Variants in PDS5B observed in about 807,000 individuals in gnomAD.
PDS5B encodes sister chromatid cohesion protein PDS5 homolog B.
PDS5B carries 51 observed loss-of-function variants against 184.1 expected under a neutral mutation model. That is an observed-to-expected ratio of 0.28 (90% CI 0.22 to 0.35). The LOEUF (loss-of-function observed/expected upper bound fraction) is 0.35, where lower values mean the gene tolerates loss of function less well. Ranked by LOEUF, PDS5B falls within the 10% of genes least tolerant of loss-of-function variation. PDS5B has a pLI of 1.00. For missense variants in PDS5B, 1,180 were observed against 1,723.3 expected (o/e 0.68, Z 5.58); for synonymous variants, 566 against 569.2 (o/e 0.99, Z 0.08).
intron 24 of PDS5B, among the ~76,000 whole-genome samples, chr13:32,749,021 T>A (rs1953868014): frequency 6.6e-6 from 1 of 152,166 alleles, no homozygotes; most frequent in Non-Finnish European, 1.5e-5. Context: ...GATCATGTCA[T>A]TCCTCTGTTA....
chr13:32,590,457 T>A (rs1399755408), intron 1 of PDS5B, among the ~76,000 whole-genome samples: 1 of 152,212 alleles, frequency 6.6e-6, no homozygotes, highest in Non-Finnish European at 1.5e-5. Flanking sequence ...GTAGGATCTC[T>A]GCTGTTACTT....
At chr13:32,622,111 T>C (rs2058310574) in intron 1 of PDS5B, among the ~76,000 whole-genome samples, 1 of 152,136 alleles carries the variant, frequency 6.6e-6, no homozygotes, top group South Asian at 2.1e-4. Context: ...TTCCACTCTT[T>C]TTTATCTTCT....
chr13:32,726,423 G>A (rs1384865714), intron 19 of PDS5B, among the ~76,000 whole-genome samples: 1 of 152,112 alleles, frequency 6.6e-6, no homozygotes, highest in Non-Finnish European at 1.5e-5. Context: ...CGCCTTTTGT[G>A]TTTTTTGACA....
At chr13:32,738,805 G>T (rs919280962) in intron 21 of PDS5B, among the ~76,000 whole-genome samples, 1 of 151,884 alleles carries the variant, frequency 6.6e-6, no homozygotes, top group Admixed American at 6.6e-5. Context: ...CCGAGTAGCT[G>T]GGACTACAGG....
At position 32,729,109 on chromosome 13, in the gene PDS5B, A is replaced by T. The variant is rs532472115; in HGVS notation, c.2124-2992A>T. Among the ~76,000 whole-genome samples, 21 of 150,846 alleles carry T rather than the reference A, an allele frequency of 1.4e-4. 1 individual carries two copies. The highest frequency in any genetic ancestry group is 6.9e-3 in the Middle Eastern group (2 of 290). On this transcript the variant is annotated intron_variant, in intron 19 of 34. Transcript: ENST00000315596. ...TCTCCCTCCCCTTGCCCCCCACCCC[A>T]CAACAGGCCCTGGTGTGTGATGTTC...
intron 11 of PDS5B, 56 bp downstream of exon 11, chr13:32,684,079 A>G (rs1384174905): frequency 2.3e-6 from 2 of 886,294 alleles, no homozygotes; most frequent in Non-Finnish European, 3.3e-6. Flanking sequence ...TTGAAGTTTA[A>G]CAATATTTGA....
intron 13 of PDS5B, chr13:32,689,874 AT>A (rs1951497818): frequency 6.6e-6 from 1 of 152,130 alleles, no homozygotes; most frequent in Non-Finnish European, 1.5e-5. Flanking sequence ...GAAATATGGT[AT>A]TTATATCATA....
Position 32,711,802 on chromosome 13 carries a change from C to T in PDS5B, c.2123+1696C>T, listed in dbSNP as rs529275563. Among the ~76,000 whole-genome samples the T allele has an allele frequency of 5.3e-5, 8 of 151,712 alleles. No homozygotes were observed. In the South Asian group the frequency reaches 1.0e-3, roughly 20 times the overall value. ...ATTTGTCGCACACACATATGTAGTA[C>T]GTATACATACCCACTCATTATGTAT... On this transcript the variant is annotated intron_variant, in intron 19 of 34. Coordinates refer to ENST00000315596, the MANE Select transcript of PDS5B (RefSeq NM_015032.4).
chr13:32,610,699 A>G (rs754522883), intron 1 of PDS5B, among the ~76,000 whole-genome samples: 30 of 151,518 alleles, frequency 2.0e-4, no homozygotes, highest in Non-Finnish European at 4.0e-4. Flanking sequence ...CTGGAACTTC[A>G]CTGTGTTTGA....
chr13:32,679,884 AGTGTGTGTGTGTGT>A (rs34635708), intron 10 of PDS5B, among the ~76,000 whole-genome samples: 9 of 143,616 alleles, frequency 6.3e-5, no homozygotes, highest in African/African-American at 2.4e-4. Context: ...TTCGTCTGTG[AGTGTGTGTGTGTGT>A]GTGTGTGTGT....
intron 1 of PDS5B, among the ~76,000 whole-genome samples, chr13:32,638,971 G>T (rs1329516540): frequency 6.6e-6 from 1 of 152,044 alleles, no homozygotes; most frequent in Non-Finnish European, 1.5e-5. Flanking sequence ...GCGTGGGGCG[G>T]GGGCGGCGTT....
intron 1 of PDS5B, among the ~76,000 whole-genome samples, chr13:32,592,811 G>A (rs1432640439): frequency 1.3e-5 from 2 of 152,094 alleles, no homozygotes; most frequent in Non-Finnish European, 2.9e-5. Flanking sequence ...GAGCATGGTG[G>A]TTAATTTAAG....
intron 1 of PDS5B, among the ~76,000 whole-genome samples, chr13:32,634,048 CTTA>C (rs1317670406): frequency 1.3e-5 from 2 of 152,274 alleles, no homozygotes; most frequent in African/African-American, 4.8e-5. Context: ...TTCAAATACT[CTTA>C]TGTTATCTTC....
At chr13:32,672,323 T>C (rs1950958661) in intron 7 of PDS5B, among the ~76,000 whole-genome samples, 1 of 152,214 alleles carries the variant, frequency 6.6e-6, no homozygotes, top group Non-Finnish European at 1.5e-5. Context: ...CTTGGGAGAT[T>C]AAGACATTGT....
intron 33 of PDS5B, among the ~76,000 whole-genome samples, chr13:32,771,698 G>A (rs1954791793): frequency 1.3e-5 from 2 of 152,006 alleles, no homozygotes; most frequent in South Asian, 4.1e-4. Flanking sequence ...GTAAAGGTAA[G>A]TACATTTTTG....
rs772804477 is a variant in PDS5B, at chr13:32,764,514, A to G, written c.3544A>G (p.Ser1182Gly). ...GCTTGATAGTTCTGAAATGGATCAC[A>G]GTGAAAATGAAGATTACACAATGTC... ...GRLDSSEMDH[S>G]ENEDYTMSSP... is the part of the protein sequence containing the mutation. The change falls in exon 31 of 35, where the codon AGT (serine) becomes GGT (glycine). Residue 1182 changes from serine to glycine, a missense_variant. By Grantham distance (56) the Ser-to-Gly change is moderately conservative (BLOSUM62 0). Around this residue, in one of 11 missense-constraint regions of PDS5B, gnomAD observed 465 missense variants for 497.8 expected, o/e 0.93. Coordinates refer to ENST00000315596, the MANE Select transcript of PDS5B (RefSeq NM_015032.4). The G allele has an allele frequency of 6.2e-7, 1 of 1,601,792 alleles. No individual in the cohort carries two copies. The highest frequency in any genetic ancestry group is 1.7e-5 in the Admixed American group (1 of 58,854).
At chr13:32,640,988 C>T (rs185592218) in intron 1 of PDS5B, among the ~76,000 whole-genome samples, 2,913 of 147,486 alleles carry the variant, frequency 0.02, 67 homozygotes, top group African/African-American at 0.062. Context: ...ACCCGGGAGG[C>T]GGAGCTTGCA....
intron 1 of PDS5B, among the ~76,000 whole-genome samples, chr13:32,629,562 G>A (rs1261570503): frequency 6.6e-6 from 1 of 152,152 alleles, no homozygotes; most frequent in Non-Finnish European, 1.5e-5. Flanking sequence ...AGGTTTCAGC[G>A]AGGATGCAGA....
At chr13:32,742,386 T>A (rs1953589038) in intron 22 of PDS5B, among the ~76,000 whole-genome samples, 1 of 152,178 alleles carries the variant, frequency 6.6e-6, no homozygotes, top group Non-Finnish European at 1.5e-5. Flanking sequence ...AACAAACTAG[T>A]CTTTAGTCAA....
Sources: allele counts gnomAD v4.1 joint callset (sites outside exome capture counted in the v4.1 genomes callset), GRCh38; gene constraint gnomAD v4.1.1; regional missense constraint gnomAD v4.1.1; transcripts MANE v1.5; gene names NCBI Gene and HGNC (gene_info 2026-07-23, HGNC 2026-07-21).